NRAP: variants seen among roughly 807,000 people sequenced by gnomAD.
NRAP encodes nebulin related anchoring protein.
In NRAP, 189 loss-of-function variants were observed where a neutral mutation model predicts 225.9. That is an observed-to-expected ratio of 0.84 (90% CI 0.74 to 0.94). The LOEUF (loss-of-function observed/expected upper bound fraction) is 0.94, where lower values mean the gene tolerates loss of function less well. Among genes scored for constraint, NRAP ranks in the 40% least tolerant of loss-of-function variants. The pLI is 0.00. For synonymous variants in NRAP, 769 were observed against 790.7 expected (o/e 0.97, Z 0.46); for missense variants, 2,176 against 2,168.7 (o/e 1.00, Z -0.07).
intron 35 of NRAP, among the ~76,000 whole-genome samples, chr10:113,598,846 T>G (rs1381710847): frequency 6.6e-6 from 1 of 152,224 alleles, no homozygotes; most frequent in Non-Finnish European, 1.5e-5. Flanking sequence ...TTTCCTCATT[T>G]TAAGAGCTCA....
At chr10:113,633,365 A>G (rs529797997) in intron 15 of NRAP, among the ~76,000 whole-genome samples, 177 bp from the exon 16 acceptor site, 1 of 152,364 alleles carries the variant, frequency 6.6e-6, no homozygotes, top group East Asian at 1.9e-4. Flanking sequence ...AAGGTGTCAA[A>G]TGAAAACTAA....
intron 38 of NRAP, among the ~76,000 whole-genome samples, chr10:113,593,719 C>T (rs192822788): frequency 6.6e-6 from 1 of 152,258 alleles, no homozygotes; most frequent in East Asian, 1.9e-4. Flanking sequence ...TTTGGGTGGC[C>T]CCACAAAGGT....
chr10:113,613,968 C>T (rs1023219721), intron 29 of NRAP, among the ~76,000 whole-genome samples: 1 of 152,116 alleles, frequency 6.6e-6, no homozygotes, highest in Non-Finnish European at 1.5e-5. Flanking sequence ...ATGCCCAGCC[C>T]AGAAGGGAAC....
At chr10:113,598,750 C>A (rs750491323) in intron 35 of NRAP, among the ~76,000 whole-genome samples, 3 of 152,170 alleles carry the variant, frequency 2.0e-5, no homozygotes, top group African/African-American at 4.8e-5. Context: ...CCATTTTAAC[C>A]GCTTCATGCC....
At chr10:113,612,511 G>A in intron 29 of NRAP, 80 bp from the exon 30 acceptor site, 1 of 1,172,282 alleles carries the variant, frequency 8.5e-7, no homozygotes, top group African/African-American at 1.5e-5. Flanking sequence ...CAACTGCAAT[G>A]CAGTTGTCTG....
At chr10:113,642,278 C>T (rs978029815) in intron 12 of NRAP, among the ~76,000 whole-genome samples, 1 of 152,152 alleles carries the variant, frequency 6.6e-6, no homozygotes, top group Non-Finnish European at 1.5e-5. Context: ...GGCCACTTTG[C>T]TATTAATAAC....
Position 113,623,531 on chromosome 10 carries a change from C to A in NRAP, c.2455G>T (p.Glu819Ter). 6.2e-7 allele frequency: 1 copy of A among 1,606,714 alleles called. No individual in the cohort carries two copies. Among genetic ancestry groups the A allele is most frequent in the South Asian group, 1.1e-5 (1 of 90,872 alleles). ...AAKAKRDLAS[E>*]VKYKEDYERS... ...GTACAAGGTGGGGACAGACTCACCT[C>A]GCTAGCCAGGTCCCTCTTGGCTTTG... The change falls in exon 23 of 42, where the codon GAG becomes TAG. Residue 819 changes from glutamate to a stop codon, truncating the protein, a stop_gained and splice_region_variant. Transcript: ENST00000359988. LOFTEE classifies it high-confidence loss of function.
At position 113,589,005 on chromosome 10, in the gene NRAP, G is replaced by T. The variant is rs748831618; in HGVS notation, c.5163C>A (p.His1721Gln). The change falls in exon 42 of 42, where the codon CAC becomes CAA. Residue 1721 changes from histidine to glutamine, a missense_variant. Coordinates refer to ENST00000359988, the MANE Select transcript of NRAP (RefSeq NM_198060.4). ...EVNPDATEILHVKKKKALLL is the reference protein window; with the variant it reads ...EVNPDATEILQVKKKKALLL ...ACAGCAGGGCCTTCTTCTTTTTGAC[G>T]TGCAGAATCTCAGTGGCATCTGGGT... is the stretch of plus-strand genomic sequence containing the variant. The T allele has an allele frequency of 6.2e-7, 1 of 1,613,708 alleles. No individual in the cohort carries two copies. Among genetic ancestry groups the T allele is most frequent in the Non-Finnish European group, 8.5e-7 (1 of 1,179,822 alleles).
intron 25 of NRAP, among the ~76,000 whole-genome samples, chr10:113,617,758 A>G (rs1285673280): frequency 6.6e-6 from 1 of 152,198 alleles, no homozygotes; most frequent in Non-Finnish European, 1.5e-5. Context: ...ACATTAAAGT[A>G]TTTCTACCTG....
chr10:113,594,793 G>T (rs1192648742), intron 38 of NRAP, among the ~76,000 whole-genome samples: 1 of 152,206 alleles, frequency 6.6e-6, no homozygotes, highest in African/African-American at 2.4e-5. Flanking sequence ...TCCCTGCAAG[G>T]CAGCCACCTC....
At chr10:113,636,120 G>A (rs1317553184) in intron 14 of NRAP, among the ~76,000 whole-genome samples, 1 of 152,180 alleles carries the variant, frequency 6.6e-6, no homozygotes, top group Non-Finnish European at 1.5e-5. Flanking sequence ...CTTGCCCAAG[G>A]CCAAAGGCCC....
At chr10:113,591,636 G>T (rs1264138866) in intron 39 of NRAP, among the ~76,000 whole-genome samples, 1 of 152,192 alleles carries the variant, frequency 6.6e-6, no homozygotes, top group African/African-American at 2.4e-5. Context: ...CTAGTCAATG[G>T]TGCCCTCTCT....
At chr10:113,629,235 C>T (rs903216673) in intron 19 of NRAP, among the ~76,000 whole-genome samples, 1 of 152,204 alleles carries the variant, frequency 6.6e-6, no homozygotes, top group Non-Finnish European at 1.5e-5. Flanking sequence ...TGCTGAGACA[C>T]CGCAACCTTA....
rs139793262 is a variant in NRAP, at chr10:113,654,118, T to C, written c.368A>G (p.Tyr123Cys). Residue 123 changes from tyrosine to cysteine, a missense_variant, in exon 5 of 42, where the codon TAT becomes TGT. Physicochemically the swap from Tyr to Cys is radical, Grantham distance 194. Around this residue, in one of 3 missense-constraint regions of NRAP, gnomAD observed 1,708 missense variants for 1,695.5 expected, o/e 1.01. Coordinates refer to ENST00000359988, the MANE Select transcript of NRAP (RefSeq NM_198060.4). Reference protein sequence around the residue: ...NRQPLANERAYWTGYGEGNAW... With the variant: ...NRQPLANERACWTGYGEGNAW... Reference sequence around the variant, plus strand: ...ATTCCCTTCCCCATATCCAGTCCAATAGGCTCTCTACAAAGGAAGCACATG... The same window carrying C: ...ATTCCCTTCCCCATATCCAGTCCAACAGGCTCTCTACAAAGGAAGCACATG... 2.5e-6 allele frequency: 4 copies of C among 1,605,850 alleles called. No individual in the cohort carries two copies. The highest frequency in any genetic ancestry group is 2.7e-5 in the African/African-American group (2 of 74,662).
At chr10:113,612,813 C>A (rs2133937251) in intron 29 of NRAP, among the ~76,000 whole-genome samples, 1 of 152,330 alleles carries the variant, frequency 6.6e-6, no homozygotes, top group South Asian at 2.1e-4. Flanking sequence ...ATCGCCCACT[C>A]AAGTTCAGAC....
chr10:113,630,718 G>T (rs1848531102), intron 18 of NRAP, among the ~76,000 whole-genome samples: 1 of 152,186 alleles, frequency 6.6e-6, no homozygotes, highest in Non-Finnish European at 1.5e-5. Context: ...TTATGACTAT[G>T]CACTTCATTC....
intron 38 of NRAP, among the ~76,000 whole-genome samples, chr10:113,594,147 A>G (rs367780629): frequency 1.6e-3 from 250 of 152,282 alleles, no homozygotes; most frequent in African/African-American, 5.7e-3. Flanking sequence ...TTTTGTCCTC[A>G]TCCTCACACA....
chr10:113,656,228 T>C (rs1391984293), intron 4 of NRAP, among the ~76,000 whole-genome samples: 2 of 133,690 alleles, frequency 1.5e-5, no homozygotes, highest in African/African-American at 6.3e-5. Flanking sequence ...ATCCAGACAT[T>C]TCTTCTATTG....
At chr10:113,598,325 G>A (rs371724281) in intron 35 of NRAP, among the ~76,000 whole-genome samples, 1 of 149,616 alleles carries the variant, frequency 6.7e-6, no homozygotes, top group Admixed American at 6.7e-5. Flanking sequence ...GATTTAAAGC[G>A]AGAGTAACAA....
Sources: allele counts gnomAD v4.1 joint callset (sites outside exome capture counted in the v4.1 genomes callset), GRCh38; gene constraint gnomAD v4.1.1; regional missense constraint gnomAD v4.1.1; transcripts MANE v1.5; gene names NCBI Gene and HGNC (gene_info 2026-07-23, HGNC 2026-07-21).